PPP2R2A: variants seen among roughly 807,000 people sequenced by gnomAD.
PPP2R2A encodes the protein protein phosphatase 2 regulatory subunit Balpha, also known as serine/threonine-protein phosphatase 2A 55 kDa regulatory subunit B alpha isoform.
Under a neutral mutation model 53.2 loss-of-function variants are expected in PPP2R2A, and 9 were observed. The observed-to-expected ratio is 0.17, with a 90% CI of 0.10 to 0.30. PPP2R2A has a LOEUF of 0.30. Ranked by LOEUF, PPP2R2A falls within the 10% of genes least tolerant of loss-of-function variation. The pLI is 1.00. For missense variants in PPP2R2A, 235 were observed against 534.6 expected (o/e 0.44, Z 5.53); for synonymous variants, 169 against 174.2 (o/e 0.97, Z 0.23).
Position 26,360,054 on chromosome 8 carries a change from T to G in PPP2R2A, c.347-115T>G, listed in dbSNP as rs199590401. On this transcript the variant is annotated intron_variant, in intron 4 of 9. Coordinates refer to ENST00000380737, the MANE Select transcript of PPP2R2A (RefSeq NM_002717.4). This position sits in a 1 kb window ranked among gnomAD's most constrained non-coding sequence, Gnocchi z 4.5. The stretch of plus-strand genomic sequence containing the variant: ...ATTTTTTAGTAAGTTCAGATTAGGG[T>G]TTTTTTTTTTTTCGTGGAATCCTTT... 16 of 35,342 alleles carry G rather than the reference T, an allele frequency of 4.5e-4. No individual in the cohort carries two copies. The highest frequency in any genetic ancestry group is 4.0e-3 in the Admixed American group (15 of 3,716). The allele number at this position is 35,342 out of a possible 1,614,324, so 2.2% of individuals were successfully genotyped here.
At chr8:26,302,062 A>C (rs758174875) in intron 2 of PPP2R2A, among the ~76,000 whole-genome samples, 3 of 152,214 alleles carry the variant, frequency 2.0e-5, no homozygotes, top group Admixed American at 6.5e-5. Context: ...AACTTCTGCA[A>C]GGGGGTAAAG....
chr8:26,315,775 T>G (rs1802524212), intron 2 of PPP2R2A, among the ~76,000 whole-genome samples: 1 of 152,200 alleles, frequency 6.6e-6, no homozygotes, highest in South Asian at 2.1e-4. Flanking sequence ...GCCTTGCGTT[T>G]TCTTTGTTCT....
At chr8:26,351,871 A>T (rs1218303265) in intron 3 of PPP2R2A, among the ~76,000 whole-genome samples, 1 of 151,162 alleles carries the variant, frequency 6.6e-6, no homozygotes, top group Non-Finnish European at 1.5e-5. Context: ...TGTGTTGAAA[A>T]TGTGTGATTT....
chr8:26,360,863 T>C lies in PPP2R2A; in HGVS notation c.460-111T>C, dbSNP rs1805047710. ...TTTTTAAAACTAAATCTATGTAATA[T>C]TGTTCTATTTTATGTTCTCAAAAAC... is the stretch of plus-strand genomic sequence containing the variant. On this transcript the variant is annotated intron_variant, in intron 5 of 9. Coordinates refer to ENST00000380737, the MANE Select transcript of PPP2R2A (RefSeq NM_002717.4). This position sits in a 1 kb window ranked among gnomAD's most constrained non-coding sequence, Gnocchi z 4.5. 1 of 1,019,688 alleles carries C rather than the reference T, an allele frequency of 9.8e-7. No homozygotes were observed. The highest frequency in any genetic ancestry group is 1.4e-6 in the Non-Finnish European group (1 of 713,332). 63.2% of individuals were successfully genotyped at this position (1,019,688 alleles called of 1,614,324 possible). A position where few individuals can be genotyped will look rare whatever the true frequency, so the allele number is the denominator to read the frequency against.
At position 26,293,735 on chromosome 8, in the gene PPP2R2A, C is replaced by T; in HGVS notation, c.77C>T (p.Ala26Val). 1 of 1,613,332 alleles carries T rather than the reference C, an allele frequency of 6.2e-7. No homozygotes were observed. The highest frequency in any genetic ancestry group is 8.5e-7 in the Non-Finnish European group (1 of 1,179,556). The change falls in exon 2 of 10, where the codon GCA becomes GTA. Residue 26 changes from alanine (A) to valine (V), a missense_variant. Ala to Val is a moderately conservative substitution (Grantham distance 64). Around this residue, in one of 3 missense-constraint regions of PPP2R2A, gnomAD observed 51 missense variants for 80.6 expected, o/e 0.63. Coordinates refer to ENST00000380737, the MANE Select transcript of PPP2R2A (RefSeq NM_002717.4). ...AAAGGAGCAGTAGATGATGATGTAG[C>T]AGAAGGTAAGAAAGCGTTTAATGCA... ...QVKGAVDDDV[A>V]EADIISTVEF...
intron 2 of PPP2R2A, among the ~76,000 whole-genome samples, chr8:26,334,105 T>G (rs969225364): frequency 6.6e-6 from 1 of 152,204 alleles, no homozygotes; most frequent in Non-Finnish European, 1.5e-5. Flanking sequence ...TGGGTTGACT[T>G]AATGCATAGT....
Position 26,291,651 on chromosome 8 carries a change from C to T in PPP2R2A, c.-169C>T. The T allele has an allele frequency of 1.5e-6, 1 of 648,862 alleles. No individual in the cohort carries two copies. The highest frequency in any genetic ancestry group is 1.9e-5 in the South Asian group (1 of 52,634). The allele number at this position is 648,862 out of a possible 1,614,324, so 40.2% of individuals were successfully genotyped here. A position where few individuals can be genotyped will look rare whatever the true frequency, so the allele number is the denominator to read the frequency against. On this transcript the variant is annotated 5_prime_UTR_variant, in exon 1 of 10. Transcript: ENST00000380737. Reference sequence around the variant, plus strand: ...AGAGTGAAATCTAGCATCCTGCCGGCTGGTCTGCCCGCCCCTCCTTCCTTT... The same window carrying T: ...AGAGTGAAATCTAGCATCCTGCCGGTTGGTCTGCCCGCCCCTCCTTCCTTT...
In PPP2R2A at chr8:26,346,863, A is replaced by C. The variant is rs77732200; in HGVS notation, c.181-7605A>C. ...ACCAGTGGAAAGGACATTGAAGACT[A>C]TCTGATCCGATCTTATTTGTTATTT... On this transcript the variant is annotated intron_variant, in intron 3 of 9. Transcript: ENST00000380737. Among the ~76,000 whole-genome samples the C allele has an allele frequency of 6.1e-3, 925 of 152,328 alleles. 9 individuals are homozygous for C. Among genetic ancestry groups the C allele is most frequent in the African/African-American group, 0.021 (891 of 41,566 alleles).
chr8:26,313,955 G>A (rs574857156), intron 2 of PPP2R2A, among the ~76,000 whole-genome samples: 1 of 152,290 alleles, frequency 6.6e-6, no homozygotes, highest in East Asian at 1.9e-4. Context: ...GGAAACTCAC[G>A]CAGGAGTGGA....
chr8:26,328,182 C>T (rs762480340), intron 2 of PPP2R2A, among the ~76,000 whole-genome samples: 14 of 152,180 alleles, frequency 9.2e-5, no homozygotes, highest in Non-Finnish European at 2.1e-4. Flanking sequence ...CCAGGATAGA[C>T]ATTTTAGTCA....
In PPP2R2A at chr8:26,370,696, C is replaced by T. The variant is rs540547281; in HGVS notation, c.*283C>T. On this transcript the variant is annotated 3_prime_UTR_variant, in exon 10 of 10. Coordinates refer to ENST00000380737, the MANE Select transcript of PPP2R2A (RefSeq NM_002717.4). The surrounding 1 kb of genome is among the most constrained non-coding windows in gnomAD (Gnocchi z 6.1). ...AATGGACTAGATTGGACTGTATCAA[C>T]ATTGATTTACTCCACTTTTTATGCC... The T allele has an allele frequency of 7.1e-6, 3 of 420,260 alleles. No homozygotes were observed. Among genetic ancestry groups the T allele is most frequent in the African/African-American group, 4.0e-5 (2 of 50,542 alleles). The allele number at this position is 420,260 out of a possible 1,614,324, so 26.0% of individuals were successfully genotyped here. A position where few individuals can be genotyped will look rare whatever the true frequency, so the allele number is the denominator to read the frequency against.
At position 26,370,341 on chromosome 8, in the gene PPP2R2A, G is replaced by T; in HGVS notation, c.1272G>T (p.Trp424Cys). The change falls in exon 10 of 10, where the codon TGG becomes TGT. Residue 424 changes from tryptophan to cysteine, a missense_variant. This residue lies in a region of PPP2R2A where 181 missense variants were observed against 409.9 expected (regional missense o/e 0.44). Transcript: ENST00000380737. This position sits in a 1 kb window ranked among gnomAD's most constrained non-coding sequence, Gnocchi z 6.1. ...ATAAGAAAATCCTTCACACAGCCTG[G>T]CACCCCAAGGAAAATATCATTGCCG... ...DFNKKILHTA[W>C]HPKENIIAVA... The T allele has an allele frequency of 6.2e-7, 1 of 1,614,010 alleles. No homozygotes were observed. The highest frequency in any genetic ancestry group is 8.5e-7 in the Non-Finnish European group (1 of 1,179,962).
At position 26,338,800 on chromosome 8, in the gene PPP2R2A, G is replaced by C. The variant is rs1803795449; in HGVS notation, c.83-90G>C. ...CTTCAAAGATATACTTCATAGACTT[G>C]GAATGTTTGGGAAAACACGCTAAGT... On this transcript the variant is annotated intron_variant, in intron 2 of 9. Coordinates refer to ENST00000380737, the MANE Select transcript of PPP2R2A (RefSeq NM_002717.4). This position sits in a 1 kb window ranked among gnomAD's most constrained non-coding sequence, Gnocchi z 4.5. 1 of 792,156 alleles carries C rather than the reference G, an allele frequency of 1.3e-6. No individual in the cohort carries two copies. The highest frequency in any genetic ancestry group is 1.7e-5 in the African/African-American group (1 of 57,630). 49.1% of individuals were successfully genotyped at this position (792,156 alleles called of 1,614,324 possible).
intron 3 of PPP2R2A, among the ~76,000 whole-genome samples, chr8:26,348,954 A>G (rs972309782): frequency 8.5e-5 from 13 of 152,062 alleles, no homozygotes; most frequent in African/African-American, 2.4e-4. Context: ...TTTACTGTCA[A>G]TGTTTTCTCA....
At chr8:26,341,778 G>C (rs1227372512) in intron 3 of PPP2R2A, among the ~76,000 whole-genome samples, 2 of 152,136 alleles carry the variant, frequency 1.3e-5, no homozygotes, top group Non-Finnish European at 2.9e-5. Context: ...CTTTACTGGA[G>C]ACCAAAATAT....
At chr8:26,322,335 T>C (rs978690914) in intron 2 of PPP2R2A, among the ~76,000 whole-genome samples, 4 of 152,184 alleles carry the variant, frequency 2.6e-5, no homozygotes, top group African/African-American at 9.6e-5. Flanking sequence ...CTCAGTTGCA[T>C]TGTGCACGTT....
chr8:26,362,023 A>ATTAGATTAAGATTAATCTTAAGATTAGAT lies in PPP2R2A; in HGVS notation c.638-659_638-631dup, dbSNP rs1563324549. Among the ~76,000 whole-genome samples the ATTAGATTAAGATTAATCTTAAGATTAGAT allele has an allele frequency of 7.1e-6, 1 of 140,826 alleles. No individual in the cohort carries two copies. The highest frequency in any genetic ancestry group is 2.7e-5 in the African/African-American group (1 of 37,098). The allele number at this position is 140,826 out of a possible 152,430, so 92.4% of individuals were successfully genotyped here. A position where few individuals can be genotyped will look rare whatever the true frequency, so the allele number is the denominator to read the frequency against. ...TAATTGATATTAAGATTAGATTAAG[A>ATTAGATTAAGATTAATCTTAAGATTAGAT]TTAGATTAAGATTAATCTTAAGATT... is the stretch of plus-strand genomic sequence containing the variant. On this transcript the variant is annotated intron_variant, in intron 6 of 9. Transcript: ENST00000380737. This position sits in a 1 kb window ranked among gnomAD's most constrained non-coding sequence, Gnocchi z 4.4.
chr8:26,326,790 A>G (rs939094022), intron 2 of PPP2R2A, among the ~76,000 whole-genome samples: 2 of 152,232 alleles, frequency 1.3e-5, no homozygotes, highest in Admixed American at 1.3e-4. Context: ...GTTGAGGAAC[A>G]TCTAATGAAG....
chr8:26,333,662 T>C (rs1803496160), intron 2 of PPP2R2A: 1 of 566,846 alleles, frequency 1.8e-6, no homozygotes, highest in East Asian at 7.9e-5. Flanking sequence ...ATTTGTGAAT[T>C]TCCCCTTGCT....
Sources: gnomAD v4.1 joint callset for allele counts (sites outside exome capture counted in the v4.1 genomes callset) on GRCh38, gnomAD v4.1.1 for gene constraint, gnomAD v4.1.1 regional missense constraint, Gnocchi (gnomAD v3.1) non-coding constraint, MANE v1.5 for transcripts, NCBI Gene and HGNC (gene_info 2026-07-23, HGNC 2026-07-21) for gene names.